Variants in LRRTM4 observed in about 807,000 individuals in gnomAD.
LRRTM4 encodes the protein leucine-rich repeat transmembrane neuronal protein 4.
A neutral mutation model predicts 47.6 loss-of-function variants in LRRTM4; 25 were observed. The ratio of observed to expected loss-of-function variants is 0.53; its 90% CI spans 0.38 to 0.73. LRRTM4 has a LOEUF of 0.73. LRRTM4 is among the 30% of genes least tolerant of loss of function. The probability of loss-of-function intolerance (pLI) is 0.00; values close to 1 mark genes in which losing one functional copy is unlikely to be tolerated. For synonymous variants in LRRTM4, 311 were observed against 269.5 expected, an observed-to-expected ratio of 1.15 and a Z score of -1.51; for missense variants, 638 against 713.4, an observed-to-expected ratio of 0.89 and a Z score of 1.20.
chr2:77,426,573 G>A (rs1253427716), intron 3 of LRRTM4, among the ~76,000 whole-genome samples: 1 of 152,108 alleles, frequency 6.6e-6, no homozygotes, highest in East Asian at 1.9e-4. Context: ...CACCCAGTGG[G>A]AAGTAATTGA....
intron 3 of LRRTM4, among the ~76,000 whole-genome samples, chr2:76,939,627 AT>A (rs1675069581): frequency 6.6e-6 from 1 of 152,072 alleles, no homozygotes; most frequent in Admixed American, 6.6e-5. Context: ...GTTATAAAAA[AT>A]ATCCATGCTT....
At chr2:76,942,721 G>A (rs1242989559) in intron 3 of LRRTM4, among the ~76,000 whole-genome samples, 7 of 120,224 alleles carry the variant, frequency 5.8e-5, no homozygotes, top group African/African-American at 1.2e-4. Context: ...TCTGTACAAA[G>A]TAGATATACA....
In LRRTM4 at chr2:77,151,643, A is replaced by C. The variant is rs373977261; in HGVS notation, c.1551+366675T>G. Among the ~76,000 whole-genome samples the C allele has an allele frequency of 4.6e-5, 7 of 152,232 alleles. No homozygotes were observed. In the South Asian group the frequency reaches 1.4e-3, roughly 31 times the overall value. On this transcript the variant is annotated intron_variant, in intron 3 of 3. Transcript: ENST00000409884. ...TTTGCGACAGCATGGATGAACACAG[A>C]GAACATTAAACTAAATCAAGTCAGT...
chr2:76,929,048 TAC>T (rs1674681012), intron 3 of LRRTM4, among the ~76,000 whole-genome samples: 2 of 152,146 alleles, frequency 1.3e-5, no homozygotes, highest in Non-Finnish European at 2.9e-5. Context: ...TTTAACTTAC[TAC>T]TACTGGAGTT....
At chr2:77,479,469 T>C (rs1023836149) in intron 3 of LRRTM4, among the ~76,000 whole-genome samples, 2 of 152,188 alleles carry the variant, frequency 1.3e-5, no homozygotes, top group Non-Finnish European at 2.9e-5. Context: ...AAGCAAGTCG[T>C]CAGGGTTTAC....
At chr2:77,169,210 GC>G (rs1174650748) in intron 3 of LRRTM4, among the ~76,000 whole-genome samples, 1 of 152,038 alleles carries the variant, frequency 6.6e-6, no homozygotes, top group Non-Finnish European at 1.5e-5. Flanking sequence ...TATAGTACTG[GC>G]AGTCCTAGCC....
chr2:76,917,030 A>T (rs1674275383), intron 3 of LRRTM4, among the ~76,000 whole-genome samples: 2 of 152,322 alleles, frequency 1.3e-5, no homozygotes, highest in South Asian at 4.1e-4. Flanking sequence ...GCCATTTTGT[A>T]GGTGCCCTTT....
At chr2:77,040,148 A>G (rs925987818) in intron 3 of LRRTM4, among the ~76,000 whole-genome samples, 2 of 151,304 alleles carry the variant, frequency 1.3e-5, no homozygotes, top group African/African-American at 4.8e-5. Context: ...CCATGAATCC[A>G]TATAAAACTA....
At chr2:77,296,662 C>T (rs1182687663) in intron 3 of LRRTM4, among the ~76,000 whole-genome samples, 1 of 152,108 alleles carries the variant, frequency 6.6e-6, no homozygotes, top group African/African-American at 2.4e-5. Context: ...GTCAAAATAA[C>T]AACATCATCA....
chr2:77,521,045 T>A (rs890260488), intron 2 of LRRTM4, among the ~76,000 whole-genome samples: 1 of 152,074 alleles, frequency 6.6e-6, no homozygotes, highest in Non-Finnish European at 1.5e-5. Flanking sequence ...TTTTTCTTTT[T>A]TTTCTTTTTA....
At chr2:76,909,457 C>A (rs1247484108) in intron 3 of LRRTM4, among the ~76,000 whole-genome samples, 1 of 151,940 alleles carries the variant, frequency 6.6e-6, no homozygotes, top group Non-Finnish European at 1.5e-5. Flanking sequence ...GTCTAAAACA[C>A]CAAAAGCAAT....
intron 3 of LRRTM4, among the ~76,000 whole-genome samples, chr2:77,382,163 T>C (rs1174397618): frequency 1.3e-5 from 2 of 152,106 alleles, no homozygotes; most frequent in Non-Finnish European, 2.9e-5. Flanking sequence ...TTTTCTATAC[T>C]GAACCTATGG....
intron 3 of LRRTM4, among the ~76,000 whole-genome samples, chr2:76,795,566 T>C (rs770752103): frequency 2.1e-5 from 3 of 141,944 alleles, no homozygotes; most frequent in Non-Finnish European, 3.1e-5. Flanking sequence ...CATATATACA[T>C]GTGCATATAT....
chr2:77,265,564 T>C (rs1437525305), intron 3 of LRRTM4, among the ~76,000 whole-genome samples: 1 of 152,084 alleles, frequency 6.6e-6, no homozygotes, highest in Non-Finnish European at 1.5e-5. Context: ...CCAAATAAAT[T>C]TCTGTTTATT....
intron 3 of LRRTM4, among the ~76,000 whole-genome samples, chr2:76,851,918 G>A (rs1356798037): frequency 1.3e-5 from 2 of 151,894 alleles, no homozygotes; most frequent in South Asian, 2.1e-4. Context: ...AAACACTTAC[G>A]AGCAAATGGG....
chr2:77,344,869 C>T (rs939033312), intron 3 of LRRTM4, among the ~76,000 whole-genome samples: 3 of 151,544 alleles, frequency 2.0e-5, no homozygotes, highest in South Asian at 4.2e-4. Flanking sequence ...CTTAATGTCT[C>T]GATGAACATA....
chr2:76,879,840 T>G (rs1031091259), intron 3 of LRRTM4, among the ~76,000 whole-genome samples: 1 of 152,222 alleles, frequency 6.6e-6, no homozygotes, highest in Non-Finnish European at 1.5e-5. Context: ...AATAGGAGTC[T>G]GGAAGAAGTT....
At chr2:77,186,896 G>C (rs769121649) in intron 3 of LRRTM4, among the ~76,000 whole-genome samples, 5 of 152,082 alleles carry the variant, frequency 3.3e-5, no homozygotes, top group Non-Finnish European at 7.4e-5. Flanking sequence ...GAAACTTCTT[G>C]AAAAATAATT....
chr2:76,749,982 C>T (rs1006282259), intron 3 of LRRTM4, among the ~76,000 whole-genome samples: 1 of 152,150 alleles, frequency 6.6e-6, no homozygotes, highest in African/African-American at 2.4e-5. Context: ...TCTGTGGTTG[C>T]TTTTAGGATG....
Sources: allele counts gnomAD v4.1 joint callset (sites outside exome capture counted in the v4.1 genomes callset), GRCh38; gene constraint gnomAD v4.1.1; transcripts MANE v1.5; gene names NCBI Gene and HGNC (gene_info 2026-07-23, HGNC 2026-07-21).